Variants in COL19A1 observed in about 807,000 individuals in gnomAD.
The protein encoded by COL19A1 is collagen type XIX alpha 1 chain.
A neutral mutation model predicts 190.2 loss-of-function variants in COL19A1; 159 were observed. The observed-to-expected ratio is 0.84, with a 90% CI of 0.73 to 0.95. The LOEUF (loss-of-function observed/expected upper bound fraction) is 0.95. COL19A1 is among the 40% of genes least tolerant of loss of function. The pLI, the probability that COL19A1 is intolerant of heterozygous loss-of-function variation, is 0.00. For missense variants in COL19A1, 1,418 were observed against 1,431.9 expected, an observed-to-expected ratio of 0.99 and a Z score of 0.16; for synonymous variants, 509 against 458.9, an observed-to-expected ratio of 1.11 and a Z score of -1.39.
chr6:70,016,639 G>C (rs1778124860), intron 11 of COL19A1, among the ~76,000 whole-genome samples: 1 of 151,808 alleles, frequency 6.6e-6, no homozygotes, highest in South Asian at 2.1e-4. Context: ...TTATATATCT[G>C]ATAAATGACT....
intron 4 of COL19A1, among the ~76,000 whole-genome samples, chr6:69,919,356 A>C (rs1443601675): frequency 6.6e-6 from 1 of 152,220 alleles, no homozygotes; most frequent in African/African-American, 2.4e-5. Context: ...GAAAGCTCTA[A>C]AAGTAGATAA....
In COL19A1 at chr6:70,211,154, G is replaced by C. The variant is rs1156619299; in HGVS notation, c.*3880G>C. ...TGCTCAGTGTACTTAAAATTTTACAGTTATATTTGTATAACGTTTATATTT... is the reference window on the plus strand; with the variant it reads ...TGCTCAGTGTACTTAAAATTTTACACTTATATTTGTATAACGTTTATATTT... On this transcript the variant is annotated 3_prime_UTR_variant, in exon 51 of 51. Transcript: ENST00000620364. Among the ~76,000 whole-genome samples, 1 of 151,942 alleles carries C rather than the reference G, an allele frequency of 6.6e-6. No individual in the cohort carries two copies. The highest frequency in any genetic ancestry group is 1.5e-5 in the Non-Finnish European group (1 of 67,954).
chr6:70,141,906 T>C lies in COL19A1; in HGVS notation c.1496T>C (p.Val499Ala), dbSNP rs776936815. 8.8e-5 allele frequency: 140 copies of C among 1,596,532 alleles called. No individual in the cohort carries two copies. The South Asian group carries it at 1.3e-3, about 15-fold the overall frequency. The change falls in exon 21 of 51, where the codon GTA becomes GCA. Residue 499 changes from valine (V) to alanine (A), a missense_variant. Transcript: ENST00000620364. ...GEKGDRGEPG[V>A]IGSQGVKGEP... ...TTTTATTTACAGGGAGAACCTGGGGTAATAGGATCACAGGGAGTAAAGGTA... is the reference window on the plus strand; with the variant it reads ...TTTTATTTACAGGGAGAACCTGGGGCAATAGGATCACAGGGAGTAAAGGTA...
intron 15 of COL19A1, among the ~76,000 whole-genome samples, chr6:70,069,925 TA>T (rs1467509603): frequency 6.6e-6 from 1 of 152,198 alleles, no homozygotes; most frequent in African/African-American, 2.4e-5. Context: ...TATGCTACTT[TA>T]AAATTTGATA....
At chr6:70,060,349 GA>G (rs1301358936) in intron 14 of COL19A1, among the ~76,000 whole-genome samples, 3 of 152,110 alleles carry the variant, frequency 2.0e-5, no homozygotes, top group African/African-American at 7.2e-5. Flanking sequence ...GTAGAGGTTA[GA>G]AAAAAATGAG....
In COL19A1 at chr6:70,130,191, G is replaced by A. The variant is rs746730252; in HGVS notation, c.1351G>A (p.Glu451Lys). Residue 451 changes from glutamate (E) to lysine (K), a missense_variant, in exon 18 of 51, where the codon GAA (glutamate) becomes AAA (lysine). Coordinates refer to ENST00000620364, the MANE Select transcript of COL19A1 (RefSeq NM_001858.6). ...TGTTTTTCACCCCTAGGGAAATGAT[G>A]AACATGAAGCTGGAGGCCTGAAAGG... is the stretch of plus-strand genomic sequence containing the variant. ...YYNKDNKGND[E>K]HEAGGLKGDK... 1 of 1,611,860 alleles carries A rather than the reference G, an allele frequency of 6.2e-7. No individual in the cohort carries two copies. Among genetic ancestry groups the A allele is most frequent in the Non-Finnish European group, 8.5e-7 (1 of 1,179,364 alleles).
intron 11 of COL19A1, among the ~76,000 whole-genome samples, chr6:70,005,133 C>A (rs1449128937): frequency 6.6e-6 from 1 of 152,116 alleles, no homozygotes; most frequent in Non-Finnish European, 1.5e-5. Context: ...TATCCATCTT[C>A]TGAAGCCTAC....
At position 70,180,377 on chromosome 6, in the gene COL19A1, A is replaced by T. The variant is rs779321058; in HGVS notation, c.2712+21A>T. On this transcript the variant is annotated intron_variant, in intron 43 of 50. Transcript: ENST00000620364. ...AACCGGTGAGTTGGCAGTTACTTTCATGACAGTTGTACTTGTGTTGTACTT... is the reference window on the plus strand; with the variant it reads ...AACCGGTGAGTTGGCAGTTACTTTCTTGACAGTTGTACTTGTGTTGTACTT... 1.8e-5 allele frequency: 29 copies of T among 1,614,008 alleles called. No individual in the cohort carries two copies. In the African/African-American group the frequency reaches 2.5e-4, roughly 14 times the overall value.
At chr6:70,148,662 CACACCTGTAA>C (rs1786830673) in intron 27 of COL19A1, among the ~76,000 whole-genome samples, 1 of 152,094 alleles carries the variant, frequency 6.6e-6, no homozygotes, top group Non-Finnish European at 1.5e-5. Flanking sequence ...CCTGGTGGCT[CACACCTGTAA>C]TCCCAGCACT....
At chr6:70,156,412 T>C in intron 33 of COL19A1, 43 bp downstream of exon 33, 1 of 1,586,608 alleles carries the variant, frequency 6.3e-7, no homozygotes. Flanking sequence ...GGAACCTCAA[T>C]TTAGTATGAA....
chr6:70,001,165 G>A (rs1343338225), intron 11 of COL19A1, among the ~76,000 whole-genome samples: 1 of 152,132 alleles, frequency 6.6e-6, no homozygotes, highest in Non-Finnish European at 1.5e-5. Flanking sequence ...GTTTGTCGAA[G>A]ATCAGATTGT....
rs1213779528 is a variant in COL19A1 at position 70,056,620 on chromosome 6, G to A, written c.1171-11803G>A. 2.0e-5 allele frequency among the ~76,000 whole-genome samples: 3 copies of A among 152,092 alleles called. No individual in the cohort carries two copies. In the East Asian group the frequency reaches 5.8e-4, roughly 29 times the overall value. On this transcript the variant is annotated intron_variant, in intron 14 of 50. Transcript: ENST00000620364. ...GTTTAGACATTCTTCTCATAATAGA[G>A]CCTACTTTTTCAGACCATTGTCTTG... is the stretch of plus-strand genomic sequence containing the variant.
intron 9 of COL19A1, among the ~76,000 whole-genome samples, chr6:69,939,326 TGG>T: frequency 6.6e-6 from 1 of 152,278 alleles, no homozygotes; most frequent in Admixed American, 6.6e-5. Context: ...ATTTGTTTCA[TGG>T]TTACATGTAC....
chr6:69,895,562 A>T (rs1769671630), intron 2 of COL19A1, among the ~76,000 whole-genome samples: 1 of 152,168 alleles, frequency 6.6e-6, no homozygotes, highest in Admixed American at 6.5e-5. Flanking sequence ...AGTCCCTGCT[A>T]GAGCACTTCC....
chr6:69,884,344 A>T (rs1768768584), intron 2 of COL19A1, among the ~76,000 whole-genome samples: 1 of 152,076 alleles, frequency 6.6e-6, no homozygotes, highest in South Asian at 2.1e-4. Context: ...TGTCTCAAAA[A>T]AAAAAAAAAA....
rs1289761525 is a variant in COL19A1 at position 70,207,515 on chromosome 6, CAG to C, written c.*244_*245del. ...CTTTACAATTGCTATGATTTTTACT[CAG>C]AGTTTTATATGAAATATGCAAGTAA... On this transcript the variant is annotated 3_prime_UTR_variant, in exon 51 of 51. Transcript: ENST00000620364. 4 of 290,354 alleles carry C rather than the reference CAG, an allele frequency of 1.4e-5. No homozygotes were observed. The highest frequency in any genetic ancestry group is 5.9e-5 in the East Asian group (1 of 16,842). 18.0% of individuals were successfully genotyped at this position (290,354 alleles called of 1,614,324 possible). A position where few individuals can be genotyped will look rare whatever the true frequency, so the allele number is the denominator to read the frequency against.
chr6:70,070,255 G>C (rs77102183), intron 15 of COL19A1, among the ~76,000 whole-genome samples: 1,876 of 152,122 alleles, frequency 0.012, 23 homozygotes, highest in East Asian at 0.02. Context: ...TAAGAAAGTA[G>C]ATTAAAGAAT....
At chr6:70,026,635 T>C (rs1778746098) in intron 12 of COL19A1, among the ~76,000 whole-genome samples, 1 of 152,150 alleles carries the variant, frequency 6.6e-6, no homozygotes. Flanking sequence ...CTTTCCCCTC[T>C]ATCACTAGTA....
At chr6:70,095,283 G>A (rs1783181289) in intron 15 of COL19A1, among the ~76,000 whole-genome samples, 1 of 151,612 alleles carries the variant, frequency 6.6e-6, no homozygotes, top group South Asian at 2.1e-4. Flanking sequence ...ACCTCTAATG[G>A]GTATCTTGAT....
Sources: allele counts gnomAD v4.1 joint callset (sites outside exome capture counted in the v4.1 genomes callset), GRCh38; gene constraint gnomAD v4.1.1; transcripts MANE v1.5; gene names NCBI Gene and HGNC (gene_info 2026-07-23, HGNC 2026-07-21).